Variants in ARHGAP35 observed in about 807,000 individuals in gnomAD.
ARHGAP35 encodes rho GTPase-activating protein 35.
A neutral mutation model predicts 111.1 loss-of-function variants in ARHGAP35; 15 were observed. That is an observed-to-expected ratio of 0.13 (90% confidence interval 0.09 to 0.21). The LOEUF is 0.21. ARHGAP35 is among the 10% of genes least tolerant of loss of function. The pLI, the probability that ARHGAP35 is intolerant of heterozygous loss-of-function variation, is 1.00. For synonymous variants in ARHGAP35, 643 were observed against 710.3 expected (o/e 0.91, Z 1.51); for missense variants, 1,262 against 1,873.0 (o/e 0.67, Z 6.02).
At chr19:46,873,267 T>C (rs559682833) in intron 1 of ARHGAP35, among the ~76,000 whole-genome samples, 1 of 152,274 alleles carries the variant, frequency 6.6e-6, no homozygotes, top group Middle Eastern at 3.4e-3. Flanking sequence ...CCATGGTGGA[T>C]AGATAGAGCT....
chr19:46,971,315 A>G (rs2056547271), intron 3 of ARHGAP35, among the ~76,000 whole-genome samples: 1 of 151,534 alleles, frequency 6.6e-6, no homozygotes, highest in South Asian at 2.1e-4. Flanking sequence ...TGGAGGCAGG[A>G]GAATCGCTTG....
intron 3 of ARHGAP35, among the ~76,000 whole-genome samples, chr19:46,972,113 G>A (rs566662467): frequency 2.8e-4 from 43 of 152,246 alleles, no homozygotes; most frequent in African/African-American, 7.5e-4. Context: ...GGGTTCAAGC[G>A]ATCCCCCACC....
intron 3 of ARHGAP35, among the ~76,000 whole-genome samples, chr19:46,964,328 C>T (rs1036138212): frequency 4.0e-5 from 6 of 151,822 alleles, no homozygotes; most frequent in African/African-American, 1.5e-4. Flanking sequence ...GCTGCAGTGG[C>T]GTGATCATGG....
At position 46,919,359 on chromosome 19, in the gene ARHGAP35, C is replaced by T. The variant is rs1454202731; in HGVS notation, c.684C>T (p.Thr228=). The T allele has an allele frequency of 3.7e-6, 6 of 1,613,974 alleles. No homozygotes were observed. Among genetic ancestry groups the T allele is most frequent in the Middle Eastern group, 1.6e-4 (1 of 6,062 alleles). ...AAAAGAACCTCCAGGTTGTGGAGAC[C>T]TCAGCGAGATCCAATGTAAACGTGG... The part of the protein sequence containing the change: ...LSKKNLQVVE[T]SARSNVNVDL... The change falls in exon 2 of 7, where the codon ACC becomes ACT. Residue 228 remains threonine (T), a synonymous_variant. Transcript: ENST00000672722. The surrounding 1 kb of genome is among the most constrained non-coding windows in gnomAD (Gnocchi z 6.2).
chr19:46,998,509 G>A (rs1486378598), intron 5 of ARHGAP35, among the ~76,000 whole-genome samples: 4 of 152,198 alleles, frequency 2.6e-5, no homozygotes, highest in African/African-American at 4.8e-5. Flanking sequence ...CCCACTCGGG[G>A]ATGGCAAGCC....
chr19:46,985,475 GA>G (rs1276194631), intron 3 of ARHGAP35, among the ~76,000 whole-genome samples: 8 of 152,328 alleles, frequency 5.3e-5, no homozygotes, highest in African/African-American at 1.9e-4. Flanking sequence ...AGAGTCCCCG[GA>G]CTCAGACCAC....
intron 2 of ARHGAP35, among the ~76,000 whole-genome samples, chr19:46,923,992 A>G (rs1349277038): frequency 2.0e-5 from 3 of 152,008 alleles, no homozygotes; most frequent in African/African-American, 7.2e-5. Context: ...AGAAAAAGAC[A>G]TTTTGGTGAC....
intron 3 of ARHGAP35, among the ~76,000 whole-genome samples, chr19:46,985,463 G>A (rs570829180): frequency 1.3e-5 from 2 of 152,224 alleles, no homozygotes; most frequent in Non-Finnish European, 2.9e-5. Context: ...CAGGACAGTG[G>A]CAGAGTCCCC....
chr19:46,925,147 T>C (rs2056230769), intron 2 of ARHGAP35, among the ~76,000 whole-genome samples: 1 of 152,184 alleles, frequency 6.6e-6, no homozygotes, highest in East Asian at 1.9e-4. Context: ...CCAAGAGCAA[T>C]AGCGTGCCAG....
intron 1 of ARHGAP35, among the ~76,000 whole-genome samples, chr19:46,863,468 C>CAGAG (rs2055839869): frequency 6.6e-6 from 1 of 151,966 alleles, no homozygotes; most frequent in African/African-American, 2.4e-5. Flanking sequence ...CTGCTGTTTG[C>CAGAG]TCTCTCCCTT....
intron 1 of ARHGAP35, among the ~76,000 whole-genome samples, chr19:46,877,955 G>C (rs2055934911): frequency 6.6e-6 from 1 of 151,452 alleles, no homozygotes; most frequent in South Asian, 2.1e-4. Flanking sequence ...TGATCCACCT[G>C]CCTCGGCCTC....
chr19:46,933,137 C>CTTT (rs1174653724), intron 2 of ARHGAP35, among the ~76,000 whole-genome samples: 1,280 of 99,426 alleles, frequency 0.013, 34 homozygotes, highest in Middle Eastern at 0.045. Context: ...AGTGTGCCTT[C>CTTT]TTTTTTTTTT....
At chr19:46,889,929 A>G (rs887656152) in intron 1 of ARHGAP35, among the ~76,000 whole-genome samples, 3 of 152,160 alleles carry the variant, frequency 2.0e-5, no homozygotes, top group Admixed American at 1.3e-4. Context: ...AGCAAAGGTT[A>G]TAGGAACTTG....
intron 2 of ARHGAP35, among the ~76,000 whole-genome samples, chr19:46,923,593 C>A (rs561415911): frequency 1.3e-5 from 2 of 151,898 alleles, no homozygotes; most frequent in Non-Finnish European, 2.9e-5. Flanking sequence ...CCCCCCACCC[C>A]CAATTGCCAA....
chr19:46,917,388 G>A (rs549162108), intron 1 of ARHGAP35, among the ~76,000 whole-genome samples: 1 of 152,226 alleles, frequency 6.6e-6, no homozygotes, highest in South Asian at 2.1e-4. Flanking sequence ...CAGGCAGATC[G>A]CCTGAGCCTA....
At chr19:46,981,542 C>T (rs917518269) in intron 3 of ARHGAP35, among the ~76,000 whole-genome samples, 10 of 152,216 alleles carry the variant, frequency 6.6e-5, no homozygotes, top group Non-Finnish European at 2.9e-5. Flanking sequence ...CTAAGAAGGG[C>T]CTGCCTGGGG....
chr19:46,963,650 AT>A (rs985858881), intron 3 of ARHGAP35, among the ~76,000 whole-genome samples: 3 of 152,086 alleles, frequency 2.0e-5, no homozygotes, highest in Non-Finnish European at 2.9e-5. Context: ...CTTTTATTAT[AT>A]CTAAGTGTGA....
chr19:46,925,434 C>T (rs1345113388), intron 2 of ARHGAP35, among the ~76,000 whole-genome samples: 1 of 152,152 alleles, frequency 6.6e-6, no homozygotes, highest in African/African-American at 2.4e-5. Context: ...TTTTTATTGG[C>T]ATGACAAAGC....
At position 46,918,669 on chromosome 19, in the gene ARHGAP35, G is replaced by A. The variant is rs1464517086; in HGVS notation, c.-7G>A. 31 of 1,608,934 alleles carry A rather than the reference G, an allele frequency of 1.9e-5. No homozygotes were observed. The highest frequency in any genetic ancestry group is 2.4e-5 in the Non-Finnish European group (28 of 1,176,666). ...GAAGTGGCTGATCGTGGCAGGATGT[G>A]TCGACGATGATGATGGCAAGAAAGC... On this transcript the variant is annotated 5_prime_UTR_variant, in exon 2 of 7. Coordinates refer to ENST00000672722, the MANE Select transcript of ARHGAP35 (RefSeq NM_004491.5). The surrounding 1 kb of genome is among the most constrained non-coding windows in gnomAD (Gnocchi z 5.4).
Sources: allele counts gnomAD v4.1 joint callset (sites outside exome capture counted in the v4.1 genomes callset), GRCh38; gene constraint gnomAD v4.1.1; non-coding constraint Gnocchi (gnomAD v3.1); transcripts MANE v1.5; gene names NCBI Gene and HGNC (gene_info 2026-07-23, HGNC 2026-07-21).